The following FAM216B variants were observed in gnomAD, a reference collection of about 807,000 sequenced individuals.
FAM216B encodes protein FAM216B.
A neutral mutation model predicts 12.9 loss-of-function variants in FAM216B; 11 were observed. The ratio of observed to expected loss-of-function variants is 0.86; its 90% confidence interval spans 0.54 to 1.42. FAM216B has a LOEUF of 1.42. FAM216B is among the 40% of genes most tolerant of loss of function. The pLI, the probability that FAM216B is intolerant of heterozygous loss-of-function variation, is 0.00. For missense variants in FAM216B, 167 were observed against 162.9 expected, an observed-to-expected ratio of 1.02 and a Z score of -0.14; for synonymous variants, 52 against 57.2, an observed-to-expected ratio of 0.91 and a Z score of 0.41.
chr13:42,787,253 A>G (rs923555283), intron 3 of FAM216B, among the ~76,000 whole-genome samples: 4 of 152,212 alleles, frequency 2.6e-5, no homozygotes, highest in Non-Finnish European at 5.9e-5. Flanking sequence ...CAACAATAAT[A>G]GTTACATTTA....
chr13:42,788,626 C>A lies in FAM216B; in HGVS notation c.256C>A (p.Leu86Ile). ...TCAACGGGAAGCCTTGTCTTATGCT[C>A]TTGTACTTAGAGATTCAACCAAGAG... is the stretch of plus-strand genomic sequence containing the variant. The part of the protein sequence containing the change: ...ITQREALSYA[L>I]VLRDSTKRAS... Residue 86 changes from leucine to isoleucine, a missense_variant, in exon 4 of 4, where the codon CTT becomes ATT. Coordinates refer to ENST00000313851, the MANE Select transcript of FAM216B (RefSeq NM_001318932.2). The A allele has an allele frequency of 6.2e-7, 1 of 1,613,876 alleles. No individual in the cohort carries two copies. Among genetic ancestry groups the A allele is most frequent in the South Asian group, 1.1e-5 (1 of 91,054 alleles).
intron 2 of FAM216B, among the ~76,000 whole-genome samples, chr13:42,784,831 C>T (rs1258409883): frequency 7.5e-6 from 1 of 133,594 alleles, no homozygotes; most frequent in African/African-American, 2.9e-5. Flanking sequence ...AAGACTCCGT[C>T]TCAAAAAATA....
At position 42,781,670 on chromosome 13, in the gene FAM216B, T is replaced by A. The variant is rs1417969346; in HGVS notation, c.-15+6T>A. The A allele has an allele frequency of 6.6e-6, 1 of 152,194 alleles. No homozygotes were observed. The highest frequency in any genetic ancestry group is 2.4e-5 in the African/African-American group (1 of 41,456). 9.4% of individuals were successfully genotyped at this position (152,194 alleles called of 1,614,324 possible). On this transcript the variant is annotated splice_donor_region_variant and intron_variant, in intron 1 of 3. Coordinates refer to ENST00000313851, the MANE Select transcript of FAM216B (RefSeq NM_001318932.2). The stretch of plus-strand genomic sequence containing the variant: ...TGGGGGAACTACAGTATAGGGTAAG[T>A]TCTTTTTAGGCAAATCTGTCTTTTT...
intron 1 of FAM216B, among the ~76,000 whole-genome samples, 168 bp downstream of exon 1, chr13:42,781,832 T>C (rs1347550998): frequency 6.6e-6 from 1 of 152,226 alleles, no homozygotes; most frequent in African/African-American, 2.4e-5. Flanking sequence ...CACACATGAA[T>C]TGTTGCCATA....
In FAM216B at chr13:42,784,072, G is replaced by C. The variant is rs1873963574; in HGVS notation, c.5G>C (p.Gly2Ala). 2 of 1,598,400 alleles carry C rather than the reference G, an allele frequency of 1.3e-6. No individual in the cohort carries two copies. The highest frequency in any genetic ancestry group is 2.7e-5 in the African/African-American group (2 of 73,570). The change falls in exon 2 of 4, where the codon GGA becomes GCA. Residue 2 changes from glycine (G) to alanine (A), a missense_variant. Coordinates refer to ENST00000313851, the MANE Select transcript of FAM216B (RefSeq NM_001318932.2). ...CTTGGAGGTATAGGATAAACGATGG[G>C]ACAAAACTGGAAAAGACAACAAAAG... Reference protein sequence around the residue: MGQNWKRQQKLW... With the variant: MAQNWKRQQKLW...
In FAM216B at chr13:42,789,019, T is replaced by C. The variant is rs566692523; in HGVS notation, c.*229T>C. 5.5e-6 allele frequency: 2 copies of C among 362,482 alleles called. No individual in the cohort carries two copies. Among genetic ancestry groups the C allele is most frequent in the African/African-American group, 2.0e-5 (1 of 49,150 alleles). The allele number at this position is 362,482 out of a possible 1,614,324, so 22.5% of individuals were successfully genotyped here. On this transcript the variant is annotated 3_prime_UTR_variant, in exon 4 of 4. Transcript: ENST00000313851. Reference sequence around the variant, plus strand: ...CATAACATCCGTAGAGTAAAAGGACTTTTAAAGCTTTCAAAGTAAAAGTTT... The same window carrying C: ...CATAACATCCGTAGAGTAAAAGGACCTTTAAAGCTTTCAAAGTAAAAGTTT...
Position 42,789,045 on chromosome 13 carries a change from A to C in FAM216B, c.*255A>C. 1 of 303,180 alleles carries C rather than the reference A, an allele frequency of 3.3e-6. No homozygotes were observed. Among genetic ancestry groups the C allele is most frequent in the South Asian group, 6.8e-5 (1 of 14,660 alleles). The allele number at this position is 303,180 out of a possible 1,614,324, so 18.8% of individuals were successfully genotyped here. A position where few individuals can be genotyped will look rare whatever the true frequency, so the allele number is the denominator to read the frequency against. The stretch of plus-strand genomic sequence containing the variant: ...TTTAAAGCTTTCAAAGTAAAAGTTT[A>C]CTTTGGATTAGAACCTCCTAGAGAA... On this transcript the variant is annotated 3_prime_UTR_variant, in exon 4 of 4. Transcript: ENST00000313851.
intron 1 of FAM216B, among the ~76,000 whole-genome samples, chr13:42,783,741 C>T (rs1401659622): frequency 6.6e-6 from 1 of 151,984 alleles, no homozygotes; most frequent in African/African-American, 2.4e-5. Flanking sequence ...CAAAAAATTA[C>T]TACTATAAAA....
At chr13:42,788,011 T>C (rs954836826) in intron 3 of FAM216B, among the ~76,000 whole-genome samples, 2 of 152,132 alleles carry the variant, frequency 1.3e-5, no homozygotes, top group African/African-American at 4.8e-5. Flanking sequence ...TTGTCTGAAG[T>C]GTCACTAGAA....
At chr13:42,787,047 T>A (rs1209244078) in intron 3 of FAM216B, among the ~76,000 whole-genome samples, 164 bp downstream of exon 3, 1 of 152,210 alleles carries the variant, frequency 6.6e-6, no homozygotes, top group African/African-American at 2.4e-5. Flanking sequence ...TTCTTGACAA[T>A]GGAAAGCAAG....
rs190114103 is a variant in FAM216B at position 42,783,086 on chromosome 13, A to G, written c.-14-968A>G. ...GCACTTTGGGAGCCTGAGGTGCAGG[A>G]TAACTTGAGCCCAGGAGTTTGAGAC... is the stretch of plus-strand genomic sequence containing the variant. On this transcript the variant is annotated intron_variant, in intron 1 of 3. Transcript: ENST00000313851. Among the ~76,000 whole-genome samples, 757 of 152,230 alleles carry G rather than the reference A, an allele frequency of 5.0e-3. 4 individuals are homozygous for G. The highest frequency in any genetic ancestry group is 0.017 in the African/African-American group (724 of 41,522).
At position 42,788,973 on chromosome 13, in the gene FAM216B, G is replaced by T. The variant is rs768332401; in HGVS notation, c.*183G>T. ...CAAGAGGTTTAAGAGCAATGGAGCC[G>T]AGAGTAAGCAAGCCTTTCCACATAA... On this transcript the variant is annotated 3_prime_UTR_variant, in exon 4 of 4. Transcript: ENST00000313851. 3.4e-5 allele frequency: 18 copies of T among 527,660 alleles called. No individual in the cohort carries two copies. Among genetic ancestry groups the T allele is most frequent in the Non-Finnish European group, 5.5e-5 (17 of 306,448 alleles). The allele number at this position is 527,660 out of a possible 1,614,324, so 32.7% of individuals were successfully genotyped here.
At chr13:42,785,600 T>C (rs183147437) in intron 2 of FAM216B, among the ~76,000 whole-genome samples, 4 of 152,320 alleles carry the variant, frequency 2.6e-5, no homozygotes, top group Admixed American at 2.0e-4. Context: ...ACAAAATACA[T>C]GCAAATGCAA....
Position 42,788,716 on chromosome 13 carries a change from T to G in FAM216B, c.346T>G (p.Cys116Gly), listed in dbSNP as rs759382591. ...GAAAACTTCAGCCATGACAAGAAGATGTCCATCAGTACTACCTGTATCTGT... is the reference window on the plus strand; with the variant it reads ...GAAAACTTCAGCCATGACAAGAAGAGGTCCATCAGTACTACCTGTATCTGT... ...PRKTSAMTRR[C>G]PSVLPVSVVL... Residue 116 changes from cysteine to glycine, a missense_variant, in exon 4 of 4, where the codon TGT (cysteine) becomes GGT (glycine). Cys to Gly is a radical substitution (Grantham distance 159). Transcript: ENST00000313851. The G allele has an allele frequency of 1.5e-5, 24 of 1,613,902 alleles. No individual in the cohort carries two copies. The highest frequency in any genetic ancestry group is 1.9e-5 in the Non-Finnish European group (23 of 1,179,848).
chr13:42,786,975 A>G, intron 3 of FAM216B, 92 bp downstream of exon 3: 2 of 1,556,342 alleles, frequency 1.3e-6, no homozygotes, highest in South Asian at 2.4e-5. Flanking sequence ...TTCAAGCACA[A>G]TGGCATCTAC....
rs1332808782 is a variant in FAM216B at position 42,789,514 on chromosome 13, C to T, written c.*724C>T. On this transcript the variant is annotated 3_prime_UTR_variant, in exon 4 of 4. Coordinates refer to ENST00000313851, the MANE Select transcript of FAM216B (RefSeq NM_001318932.2). ...AGACTTTATTTCATGTCCAACCTTTCTGTGGCCTCAAATGTTTTAAGCAAA... is the reference window on the plus strand; with the variant it reads ...AGACTTTATTTCATGTCCAACCTTTTTGTGGCCTCAAATGTTTTAAGCAAA... 6.6e-6 allele frequency: 1 copy of T among 152,208 alleles called. No individual in the cohort carries two copies. The highest frequency in any genetic ancestry group is 6.5e-5 in the Admixed American group (1 of 15,278). The allele number at this position is 152,208 out of a possible 1,614,324, so 9.4% of individuals were successfully genotyped here.
rs1177830221 is a variant in FAM216B, at chr13:42,790,009, A to C, written c.*1219A>C. The C allele has an allele frequency of 1.3e-5, 2 of 152,174 alleles. No individual in the cohort carries two copies. Among genetic ancestry groups the C allele is most frequent in the African/African-American group, 2.4e-5 (1 of 41,446 alleles). 9.4% of individuals were successfully genotyped at this position (152,174 alleles called of 1,614,324 possible). A position where few individuals can be genotyped will look rare whatever the true frequency, so the allele number is the denominator to read the frequency against. The stretch of plus-strand genomic sequence containing the variant: ...GAGGAATGGGAAGTGTGGTTGGCCC[A>C]CTAGTCTGATAAGAAGTCTTGGTGA... On this transcript the variant is annotated 3_prime_UTR_variant, in exon 4 of 4. Coordinates refer to ENST00000313851, the MANE Select transcript of FAM216B (RefSeq NM_001318932.2).
At chr13:42,782,164 G>GA (rs1366015105) in intron 1 of FAM216B, among the ~76,000 whole-genome samples, 3 of 152,210 alleles carry the variant, frequency 2.0e-5, no homozygotes, top group Admixed American at 2.0e-4. Flanking sequence ...TCTTCTGGAA[G>GA]AATGGAACCT....
Position 42,784,166 on chromosome 13 carries a change from G to C in FAM216B, c.99G>C (p.Lys33Asn). 3 of 1,217,204 alleles carry C rather than the reference G, an allele frequency of 2.5e-6. No homozygotes were observed. Among genetic ancestry groups the C allele is most frequent in the Non-Finnish European group, 3.4e-6 (3 of 873,682 alleles). 75.4% of individuals were successfully genotyped at this position (1,217,204 alleles called of 1,614,324 possible). A position where few individuals can be genotyped will look rare whatever the true frequency, so the allele number is the denominator to read the frequency against. ...CCATCTATGACACTTCCTTACTAAA[G>C]GTATGGCTTTTTTTTTTTTTTTTTT... is the stretch of plus-strand genomic sequence containing the variant. ...PPSIYDTSLL[K>N]ALNQGQQRYF... is the part of the protein sequence containing the mutation. Residue 33 changes from lysine to asparagine, a missense_variant and splice_region_variant, in exon 2 of 4, where the codon AAG (lysine) becomes AAC (asparagine). Lys to Asn is a moderately conservative substitution (Grantham distance 94). Transcript: ENST00000313851.
Sources: gnomAD v4.1 joint callset for allele counts (sites outside exome capture counted in the v4.1 genomes callset) on GRCh38, gnomAD v4.1.1 for gene constraint, MANE v1.5 for transcripts, NCBI Gene and HGNC (gene_info 2026-07-23, HGNC 2026-07-21) for gene names.